SLCO2B1: variants seen among roughly 807,000 people sequenced by gnomAD.
SLCO2B1 encodes the protein OATP-RP2.
Under a neutral mutation model 67.3 loss-of-function variants are expected in SLCO2B1, and 41 were observed. The ratio of observed to expected loss-of-function variants is 0.61; its 90% CI spans 0.47 to 0.79. SLCO2B1 has a LOEUF of 0.79. Ranked by LOEUF, SLCO2B1 falls within the 30% of genes least tolerant of loss-of-function variation. The pLI is 0.00. For missense variants in SLCO2B1, 837 were observed against 920.1 expected, an observed-to-expected ratio of 0.91 and a Z score of 1.17; for synonymous variants, 379 against 381.4, an observed-to-expected ratio of 0.99 and a Z score of 0.07.
At chr11:75,168,292 G>A (rs980186584) in intron 4 of SLCO2B1, among the ~76,000 whole-genome samples, 2 of 152,168 alleles carry the variant, frequency 1.3e-5, no homozygotes, top group African/African-American at 2.4e-5. Context: ...GGCAGCCTCC[G>A]TGGAAGGCTT....
At chr11:75,153,181 C>A (rs1040439614) in intron 1 of SLCO2B1, among the ~76,000 whole-genome samples, 3 of 152,210 alleles carry the variant, frequency 2.0e-5, no homozygotes, top group African/African-American at 7.2e-5. Flanking sequence ...CTTCCAAATG[C>A]CAACTCCTCC....
chr11:75,169,530 T>C lies in SLCO2B1; in HGVS notation c.682+124T>C, dbSNP rs951769884. 5.8e-6 allele frequency: 7 copies of C among 1,197,482 alleles called. No individual in the cohort carries two copies. In the African/African-American group the frequency reaches 9.2e-5, roughly 16 times the overall value. 74.2% of individuals were successfully genotyped at this position (1,197,482 alleles called of 1,614,324 possible). ...CCCTGCCCCATCTGGCCAGTAAAGG[T>C]CCAGGGAAGCCCTGGAGAGTTCCCC... On this transcript the variant is annotated intron_variant, in intron 5 of 13. Transcript: ENST00000289575.
At chr11:75,162,611 C>G in intron 1 of SLCO2B1, 44 bp from the exon 2 acceptor site, 1 of 1,590,116 alleles carries the variant, frequency 6.3e-7, no homozygotes, top group Non-Finnish European at 8.5e-7. Context: ...GGGCCATTCT[C>G]GGGGATTCTA....
In SLCO2B1 at chr11:75,172,381, G is replaced by A. The variant is rs1414353313; in HGVS notation, c.784G>A (p.Gly262Ser). The A allele has an allele frequency of 3.1e-6, 5 of 1,611,688 alleles. No homozygotes were observed. The South Asian group carries it at 5.5e-5, about 18-fold the overall frequency. ...GTCACCATGCTCTTCTCTTCCAGGT[G>A]GTATCAGCCTGACCATAAAGGACCC... ...YVDINQMPEG[G>S]ISLTIKDPRW... is the part of the protein sequence containing the mutation. The change falls in exon 7 of 14, where the codon GGT (glycine) becomes AGT (serine). Residue 262 changes from glycine (G) to serine (S), a missense_variant and splice_region_variant. Gly to Ser is a moderately conservative substitution (Grantham distance 56, BLOSUM62 0). Coordinates refer to ENST00000289575, the MANE Select transcript of SLCO2B1 (RefSeq NM_007256.5).
At position 75,162,652 on chromosome 11, in the gene SLCO2B1, C is replaced by T; in HGVS notation, c.17-3C>T. On this transcript the variant is annotated splice_region_variant and splice_polypyrimidine_tract_variant and intron_variant, in intron 1 of 13. Transcript: ENST00000289575. The stretch of plus-strand genomic sequence containing the variant: ...TCTCTTTCCCTGGTTTTCTGTCCCT[C>T]AGGGCCAGCGGGTGAGGTACCCCAG... 6.2e-7 allele frequency: 1 copy of T among 1,612,600 alleles called. No individual in the cohort carries two copies. Among genetic ancestry groups the T allele is most frequent in the South Asian group, 1.1e-5 (1 of 90,830 alleles).
chr11:75,173,155 A>G (rs1949985401), intron 7 of SLCO2B1, among the ~76,000 whole-genome samples: 1 of 152,176 alleles, frequency 6.6e-6, no homozygotes, highest in South Asian at 2.1e-4. Context: ...CCCCCATACT[A>G]ACCACTACAA....
chr11:75,196,527 C>A lies in SLCO2B1; in HGVS notation c.1447C>A (p.Leu483Met). The change falls in exon 10 of 14, where the codon CTG becomes ATG. Residue 483 changes from leucine to methionine, a missense_variant. By Grantham distance (15) the Leu-to-Met change is conservative. Transcript: ENST00000289575. Reference protein sequence around the residue: ...ITHQTSAHPGLELSPSCMEAC... With the variant: ...ITHQTSAHPGMELSPSCMEAC... The stretch of plus-strand genomic sequence containing the variant: ...CTCTCCCACCAGTGCCCACCCTGGG[C>A]TGGAGCTGTCTCCAAGCTGCATGGA... 1 of 1,613,676 alleles carries A rather than the reference C, an allele frequency of 6.2e-7. No individual in the cohort carries two copies. The highest frequency in any genetic ancestry group is 8.5e-7 in the Non-Finnish European group (1 of 1,179,800).
intron 9 of SLCO2B1, among the ~76,000 whole-genome samples, chr11:75,195,627 T>C (rs1945087393): frequency 1.3e-5 from 2 of 152,026 alleles, no homozygotes; most frequent in Non-Finnish European, 2.9e-5. Context: ...AGTCCCAGCC[T>C]CACTGATCAT....
intron 9 of SLCO2B1, 50 bp from the exon 10 acceptor site, chr11:75,196,464 G>T: frequency 1.3e-6 from 2 of 1,583,554 alleles, no homozygotes; most frequent in Non-Finnish European, 1.7e-6. Flanking sequence ...CCAGCTAGTG[G>T]CCTAAGGGAG....
Position 75,151,166 on chromosome 11 carries a change from C to T in SLCO2B1, c.-216C>T, listed in dbSNP as rs1005165633. 1 of 549,380 alleles carries T rather than the reference C, an allele frequency of 1.8e-6. No homozygotes were observed. Among genetic ancestry groups the T allele is most frequent in the Non-Finnish European group, 3.2e-6 (1 of 309,870 alleles). 34.0% of individuals were successfully genotyped at this position (549,380 alleles called of 1,614,324 possible). A position where few individuals can be genotyped will look rare whatever the true frequency, so the allele number is the denominator to read the frequency against. ...GGAGATACTTGGGGCTGAGTTTGAG[C>T]AAGACTCCCTAACCTGTGTCTGGAC... On this transcript the variant is annotated 5_prime_UTR_variant, in exon 1 of 14. Transcript: ENST00000289575.
chr11:75,194,134 T>A (rs1474312722), intron 9 of SLCO2B1, among the ~76,000 whole-genome samples: 5 of 152,210 alleles, frequency 3.3e-5, no homozygotes, highest in Non-Finnish European at 7.3e-5. Context: ...AAAATTCTGA[T>A]ATTCCACGAC....
At position 75,156,388 on chromosome 11, in the gene SLCO2B1, G is replaced by C. The variant is rs567673826; in HGVS notation, c.16+4991G>C. 2.6e-5 allele frequency among the ~76,000 whole-genome samples: 4 copies of C among 152,268 alleles called. No individual in the cohort carries two copies. In the South Asian group the frequency reaches 8.3e-4, roughly 32 times the overall value. On this transcript the variant is annotated intron_variant, in intron 1 of 13. Transcript: ENST00000289575. The stretch of plus-strand genomic sequence containing the variant: ...TGGGGTTTTATGGAGGGAGAGATGA[G>C]AGATGAGCTGGGCTGCAGGAGCTTG...
chr11:75,197,203 A>G (rs1469438409), intron 10 of SLCO2B1, among the ~76,000 whole-genome samples: 1 of 152,178 alleles, frequency 6.6e-6, no homozygotes, highest in African/African-American at 2.4e-5. Context: ...TGTGCAGGGG[A>G]GATGCAAAAG....
At chr11:75,159,122 G>A (rs1034209181) in intron 1 of SLCO2B1, among the ~76,000 whole-genome samples, 2 of 152,198 alleles carry the variant, frequency 1.3e-5, no homozygotes, top group Non-Finnish European at 2.9e-5. Flanking sequence ...GCTGACTGAC[G>A]GCCTGAACGG....
Position 75,200,400 on chromosome 11 carries a change from G to A in SLCO2B1, c.1763+13G>A. On this transcript the variant is annotated intron_variant, in intron 11 of 13. Transcript: ENST00000289575. ...TGCTCATCCTAAGGTGAAGGTGGGG[G>A]TGGGGCAGGGGCAGGTGGATACCAG... 1 of 1,578,546 alleles carries A rather than the reference G, an allele frequency of 6.3e-7. No individual in the cohort carries two copies. Among genetic ancestry groups the A allele is most frequent in the Non-Finnish European group, 8.6e-7 (1 of 1,157,744 alleles).
chr11:75,202,745 C>T (rs1286422271), intron 11 of SLCO2B1, 156 bp from the exon 12 acceptor site: 8 of 684,944 alleles, frequency 1.2e-5, no homozygotes, highest in African/African-American at 3.6e-5. Flanking sequence ...GGATGGGGTA[C>T]GTCCCTGAGC....
intron 11 of SLCO2B1, chr11:75,201,647 T>A (rs894874639): frequency 3.3e-5 from 5 of 152,156 alleles, no homozygotes; most frequent in Non-Finnish European, 2.9e-5. Flanking sequence ...TTTGCTAGAG[T>A]GGCTCACAGA....
intron 1 of SLCO2B1, among the ~76,000 whole-genome samples, chr11:75,161,776 G>A (rs2465290): frequency 0.44 from 67,174 of 151,926 alleles, 17,619 homozygotes; most frequent in Non-Finnish European, 0.6. Flanking sequence ...TAAATAGAGG[G>A]GTGGAGTCTC....
chr11:75,176,631 T>C (rs769419130), intron 7 of SLCO2B1, among the ~76,000 whole-genome samples: 28 of 152,218 alleles, frequency 1.8e-4, no homozygotes, highest in Non-Finnish European at 3.4e-4. Flanking sequence ...TGTCTCCCAG[T>C]CGTTAACTTC....
Sources: gnomAD v4.1 joint callset for allele counts (sites outside exome capture counted in the v4.1 genomes callset) on GRCh38, gnomAD v4.1.1 for gene constraint, MANE v1.5 for transcripts, NCBI Gene and HGNC (gene_info 2026-07-23, HGNC 2026-07-21) for gene names.